CXorf38: variants seen among roughly 807,000 people sequenced by gnomAD.
The protein encoded by CXorf38 is chromosome X open reading frame 38, also known as uncharacterized protein CXorf38.
Under a neutral mutation model 27.5 loss-of-function variants are expected in CXorf38, and 13 were observed. The ratio of observed to expected loss-of-function variants is 0.47; its 90% CI spans 0.31 to 0.75. CXorf38 has a LOEUF of 0.75. Ranked by LOEUF, CXorf38 falls within the 30% of genes least tolerant of loss-of-function variation. The pLI, the probability that CXorf38 is intolerant of heterozygous loss-of-function variation, is 0.05. For synonymous variants in CXorf38, 100 were observed against 99.8 expected (o/e 1.00, Z -0.01); for missense variants, 240 against 253.2 (o/e 0.95, Z 0.35).
intron 2 of CXorf38, among the ~76,000 whole-genome samples, chrX:40,643,506 CTT>C (rs902826324): frequency 5.4e-5 from 6 of 110,439 alleles, no homozygotes; most frequent in African/African-American, 2.0e-4. Flanking sequence ...CTTTTCTTTT[CTT>C]TCTTTTCTTT....
chrX:40,645,459 T>C (rs769744144), intron 2 of CXorf38, among the ~76,000 whole-genome samples: 11 of 111,451 alleles, frequency 9.9e-5, no homozygotes, highest in African/African-American at 3.6e-4. Context: ...GGGACAGGCA[T>C]TGTAAAGGGC....
intron 4 of CXorf38, 140 bp downstream of exon 4, chrX:40,636,867 A>ATTTCATAT (rs1334958746): frequency 2.5e-6 from 2 of 797,752 alleles, no homozygotes; most frequent in Non-Finnish European, 3.5e-6. Flanking sequence ...ATAATTACAG[A>ATTTCATAT]TTTCATATTG....
intron 2 of CXorf38, among the ~76,000 whole-genome samples, chrX:40,641,003 C>T (rs1055916234): frequency 3.5e-4 from 36 of 102,270 alleles, no homozygotes; most frequent in Non-Finnish European, 5.4e-4. Flanking sequence ...AGCTAACTAA[C>T]TTATCACAGG....
rs777979901 is a variant in CXorf38 at position 40,638,917 on chromosome X, T to C, written c.471+92A>G. 4.1e-4 allele frequency: 418 copies of C among 1,026,738 alleles called. 1 individual carries two copies. In the African/African-American group the frequency reaches 7.4e-3, roughly 18 times the overall value. 84.6% of individuals were successfully genotyped at this position (1,026,738 alleles called of 1,213,427 possible). A position where few individuals can be genotyped will look rare whatever the true frequency, so the allele number is the denominator to read the frequency against. ...GCTACTACGTGCTATACCTGCATGG[T>C]TGGCTTAGCATCACAGGTGTAGCTC... is the stretch of plus-strand genomic sequence containing the variant. On this transcript the variant is annotated intron_variant, in intron 3 of 6. Transcript: ENST00000327877.
intron 2 of CXorf38, chrX:40,640,151 C>T (rs4827221): frequency 0.47 from 138,195 of 296,572 alleles, 22,802 homozygotes; most frequent in East Asian, 0.76. Flanking sequence ...GGCAACAAAG[C>T]AAGACTCCCA....
rs778013721 is a variant in CXorf38, at chrX:40,647,521, G to A, written c.-1C>T. The A allele has an allele frequency of 1.4e-5, 16 of 1,181,597 alleles. No individual in the cohort carries two copies. The South Asian group carries it at 1.8e-4, about 14-fold the overall frequency. ...GCGCCGCTAGCTCCGACAGCACCAT[G>A]TCTCCCACTTGGAACCAGGAGGTTG... On this transcript the variant is annotated 5_prime_UTR_variant, in exon 1 of 7. Transcript: ENST00000327877.
rs752311318 is a variant in CXorf38 at position 40,647,089 on chromosome X, T to C, written c.269A>G (p.His90Arg). Residue 90 changes from histidine to arginine, a missense_variant, in exon 2 of 7, where the codon CAT (histidine) becomes CGT (arginine). Transcript: ENST00000327877. Reference sequence around the variant, plus strand: ...CACATCTCCATTTCTGTTGACATGATGTCTCAAAATCTCCCTTTTCCATTC... The same window carrying C: ...CACATCTCCATTTCTGTTGACATGACGTCTCAAAATCTCCCTTTTCCATTC... ...CAEWKREILR[H>R]HVNRNGDVHW... is the part of the protein sequence containing the mutation. The C allele has an allele frequency of 8.3e-7, 1 of 1,210,922 alleles. No homozygotes were observed. Among genetic ancestry groups the C allele is most frequent in the Admixed American group, 2.2e-5 (1 of 46,043 alleles).
intron 5 of CXorf38, 126 bp from the exon 6 acceptor site, chrX:40,630,899 T>G: frequency 1.8e-6 from 1 of 571,158 alleles, no homozygotes; most frequent in South Asian, 3.8e-5. Context: ...AAATCTTGGC[T>G]ACAGGCATCT....
intron 2 of CXorf38, among the ~76,000 whole-genome samples, chrX:40,644,072 G>A (rs1435769123): frequency 8.9e-6 from 1 of 112,143 alleles, no homozygotes; most frequent in Non-Finnish European, 1.9e-5. Flanking sequence ...ATAGTGAATG[G>A]AGCTGCTATG....
At chrX:40,643,840 G>A (rs773029746) in intron 2 of CXorf38, among the ~76,000 whole-genome samples, 5 of 111,955 alleles carry the variant, frequency 4.5e-5, no homozygotes, top group Non-Finnish European at 9.4e-5. Flanking sequence ...AGTCTAAATG[G>A]AATTTATATA....
intron 2 of CXorf38, 30 bp from the exon 3 acceptor site, chrX:40,639,158 G>A (rs1569271256): frequency 8.4e-7 from 1 of 1,193,841 alleles, no homozygotes; most frequent in East Asian, 3.0e-5. Flanking sequence ...AGGGGGACCT[G>A]AGTCTCTTCC....
At chrX:40,646,972 C>A (rs769635699) in intron 2 of CXorf38, 35 bp downstream of exon 2, 1 of 1,199,345 alleles carries the variant, frequency 8.3e-7, no homozygotes, top group Non-Finnish European at 1.1e-6. Context: ...GGTGACCCGC[C>A]GCTTCCTCCT....
At chrX:40,640,982 G>A (rs1272648325) in intron 2 of CXorf38, among the ~76,000 whole-genome samples, 1 of 105,928 alleles carries the variant, frequency 9.4e-6, no homozygotes, top group Non-Finnish European at 1.9e-5. Context: ...TGCTACAAAG[G>A]TTAACAAAGA....
chrX:40,631,151 C>T (rs1333564219), intron 5 of CXorf38, among the ~76,000 whole-genome samples: 1 of 108,113 alleles, frequency 9.2e-6, no homozygotes. Context: ...CTTTTGAATT[C>T]TGTACCTGAA....
At position 40,629,638 on chromosome X, in the gene CXorf38, A is replaced by C. The variant is rs1927676734; in HGVS notation, c.*526T>G. 9.0e-6 allele frequency: 1 copy of C among 111,545 alleles called. No homozygotes were observed. Among genetic ancestry groups the C allele is most frequent in the Admixed American group, 9.5e-5 (1 of 10,568 alleles). 9.2% of individuals were successfully genotyped at this position (111,545 alleles called of 1,213,427 possible). On this transcript the variant is annotated 3_prime_UTR_variant, in exon 7 of 7. Transcript: ENST00000327877. Reference sequence around the variant, plus strand: ...TGTTTTTTGTTTTTTTGGGAGACAGAATCTCGCTCTATTGCCCAGGCTGGA... The same window carrying C: ...TGTTTTTTGTTTTTTTGGGAGACAGCATCTCGCTCTATTGCCCAGGCTGGA...
chrX:40,640,150 G>GT, intron 2 of CXorf38: 1 of 301,361 alleles, frequency 3.3e-6, no homozygotes, highest in East Asian at 1.1e-4. Flanking sequence ...GGGCAACAAA[G>GT]CAAGACTCCC....
rs1289876486 is a variant in CXorf38, at chrX:40,627,182, TTTTTG to T, written c.*2977_*2981del. ...CATTACAGCTTGCTATGCATTTTTT[TTTTTG>T]GGGGGGGGGGGTTGTTTTTTAGAGA... On this transcript the variant is annotated 3_prime_UTR_variant, in exon 7 of 7. Coordinates refer to ENST00000327877, the MANE Select transcript of CXorf38 (RefSeq NM_144970.3). 1.1e-5 allele frequency: 1 copy of T among 86,962 alleles called. No individual in the cohort carries two copies. Among genetic ancestry groups the T allele is most frequent in the African/African-American group, 4.9e-5 (1 of 20,403 alleles). 7.2% of individuals were successfully genotyped at this position (86,962 alleles called of 1,213,427 possible).
Position 40,627,933 on chromosome X carries a change from G to A in CXorf38, c.*2231C>T, listed in dbSNP as rs768842153. 4 of 112,192 alleles carry A rather than the reference G, an allele frequency of 3.6e-5. No homozygotes were observed. The East Asian group carries it at 8.4e-4, about 23-fold the overall frequency. 9.2% of individuals were successfully genotyped at this position (112,192 alleles called of 1,213,427 possible). A position where few individuals can be genotyped will look rare whatever the true frequency, so the allele number is the denominator to read the frequency against. On this transcript the variant is annotated 3_prime_UTR_variant, in exon 7 of 7. Transcript: ENST00000327877. ...ATAGGCAGAAACTAACTAGACACAGGTATAAAATGGAAGCGTTCATAACCC... is the reference window on the plus strand; with the variant it reads ...ATAGGCAGAAACTAACTAGACACAGATATAAAATGGAAGCGTTCATAACCC...
rs1298665906 is a variant in CXorf38, at chrX:40,635,625, A to G, written c.801+908T>C. On this transcript the variant is annotated intron_variant, in intron 5 of 6. Transcript: ENST00000327877. ...TTATACCTTGCATGTGACAAAGGAGATTTGTTTCTCCTGTACTTGGGAGTT... is the reference window on the plus strand; with the variant it reads ...TTATACCTTGCATGTGACAAAGGAGGTTTGTTTCTCCTGTACTTGGGAGTT... Among the ~76,000 whole-genome samples, 6 of 112,607 alleles carry G rather than the reference A, an allele frequency of 5.3e-5. 1 individual carries two copies. The highest frequency in any genetic ancestry group is 7.5e-5 in the Non-Finnish European group (4 of 53,270).
Sources: allele counts gnomAD v4.1 joint callset (sites outside exome capture counted in the v4.1 genomes callset), GRCh38; gene constraint gnomAD v4.1.1; transcripts MANE v1.5; gene names NCBI Gene and HGNC (gene_info 2026-07-23, HGNC 2026-07-21).